Variants in CREB3L1 observed in about 807,000 individuals in gnomAD.
CREB3L1 encodes cyclic AMP-responsive element-binding protein 3-like protein 1.
CREB3L1 carries 33 observed loss-of-function variants against 54.5 expected under a neutral mutation model. The ratio of observed to expected loss-of-function variants is 0.61; its 90% CI spans 0.46 to 0.81. The LOEUF (loss-of-function observed/expected upper bound fraction) is 0.81, where lower values mean the gene tolerates loss of function less well. Ranked by LOEUF, CREB3L1 falls within the 30% of genes least tolerant of loss-of-function variation. The pLI, the probability that CREB3L1 is intolerant of heterozygous loss-of-function variation, is 0.00. For synonymous variants in CREB3L1, 284 were observed against 286.4 expected (o/e 0.99, Z 0.08); for missense variants, 656 against 673.3 (o/e 0.97, Z 0.29).
intron 1 of CREB3L1, 138 bp from the exon 2 acceptor site, chr11:46,299,797 A>G (rs1939267028): frequency 1.5e-6 from 1 of 665,324 alleles, no homozygotes; most frequent in Admixed American, 2.3e-5. Context: ...TGCTGATATT[A>G]ATGGGAATGG....
rs749571630 is a variant in CREB3L1 at position 46,307,914 on chromosome 11, C to T, written c.430C>T (p.Pro144Ser). 8 of 1,572,330 alleles carry T rather than the reference C, an allele frequency of 5.1e-6. No individual in the cohort carries two copies. The South Asian group carries it at 9.4e-5, about 18-fold the overall frequency. The change falls in exon 3 of 12, where the codon CCC becomes TCC. Residue 144 changes from proline to serine, a missense_variant. Physicochemically the swap from Pro to Ser is moderately conservative, Grantham distance 74 (BLOSUM62 -1). Coordinates refer to ENST00000621158, the MANE Select transcript of CREB3L1 (RefSeq NM_052854.4). ...GCTGCCCGTGGACCCTCTGGCTGCC[C>T]CCTCGGCCATGGCTGCCGCGGCCGC... ...PELPVDPLAA[P>S]SAMAAAAAMA... is the part of the protein sequence containing the mutation.
chr11:46,307,819 C>T lies in CREB3L1; in HGVS notation c.335C>T (p.Ala112Val), dbSNP rs745854517. The change falls in exon 3 of 12, where the codon GCA (alanine) becomes GTA (valine). Residue 112 changes from alanine to valine, a missense_variant. By Grantham distance (64) the Ala-to-Val change is moderately conservative (BLOSUM62 0). Coordinates refer to ENST00000621158, the MANE Select transcript of CREB3L1 (RefSeq NM_052854.4). ...TGAGCCTTTCCCCTTCCCCTAGATG[C>T]AGAGCATGGAGCATGGGCGCTGGGA... is the stretch of plus-strand genomic sequence containing the variant. Reference protein sequence around the residue: ...PIKMEDTTQDAEHGAWALGHK... With the variant: ...PIKMEDTTQDVEHGAWALGHK... 3.8e-6 allele frequency: 6 copies of T among 1,563,940 alleles called. No homozygotes were observed. In the South Asian group the frequency reaches 7.1e-5, roughly 19 times the overall value.
Position 46,311,146 on chromosome 11 carries a change from C to T in CREB3L1, c.710C>T (p.Ser237Phe), listed in dbSNP as rs371335074. ...PSSPVRPMARSSTAISTSPLL... is the reference protein window; with the variant it reads ...PSSPVRPMARFSTAISTSPLL... Reference sequence around the variant, plus strand: ...AGCCCTGTCAGGCCCATGGCGCGCTCCTCCACGGCCATCTCCACCTCCCCA... The same window carrying T: ...AGCCCTGTCAGGCCCATGGCGCGCTTCTCCACGGCCATCTCCACCTCCCCA... Residue 237 changes from serine (S) to phenylalanine (F), a missense_variant, in exon 5 of 12, where the codon TCC (serine) becomes TTC (phenylalanine). Ser to Phe is a radical substitution (Grantham distance 155). Around this residue, in one of 3 missense-constraint regions of CREB3L1, gnomAD observed 339 missense variants for 331.5 expected, o/e 1.02. Coordinates refer to ENST00000621158, the MANE Select transcript of CREB3L1 (RefSeq NM_052854.4). 6.2e-7 allele frequency: 1 copy of T among 1,603,142 alleles called. No individual in the cohort carries two copies. Among genetic ancestry groups the T allele is most frequent in the Non-Finnish European group, 8.5e-7 (1 of 1,178,462 alleles).
chr11:46,314,379 C>A (rs1399301735), intron 8 of CREB3L1, among the ~76,000 whole-genome samples: 1 of 152,018 alleles, frequency 6.6e-6, no homozygotes, highest in Non-Finnish European at 1.5e-5. Context: ...ATTCTTCTTT[C>A]ATTATTTTTA....
At position 46,301,571 on chromosome 11, in the gene CREB3L1, G is replaced by A. The variant is rs185255785; in HGVS notation, c.331+1408G>A. Reference sequence around the variant, plus strand: ...CCAGGTACTTGGAAGGCTGAGGCAGGAGAATCACTTGAACCTGGGAGGCGG... The same window carrying A: ...CCAGGTACTTGGAAGGCTGAGGCAGAAGAATCACTTGAACCTGGGAGGCGG... On this transcript the variant is annotated intron_variant, in intron 2 of 11. Coordinates refer to ENST00000621158, the MANE Select transcript of CREB3L1 (RefSeq NM_052854.4). 7.9e-5 allele frequency among the ~76,000 whole-genome samples: 12 copies of A among 152,114 alleles called. No homozygotes were observed. The East Asian group carries it at 1.6e-3, about 20-fold the overall frequency.
chr11:46,320,911 C>T lies in CREB3L1; in HGVS notation c.*165C>T, dbSNP rs1939642302. 1.3e-6 allele frequency: 1 copy of T among 772,158 alleles called. No homozygotes were observed. Among genetic ancestry groups the T allele is most frequent in the South Asian group, 1.5e-5 (1 of 68,320 alleles). 47.8% of individuals were successfully genotyped at this position (772,158 alleles called of 1,614,324 possible). On this transcript the variant is annotated 3_prime_UTR_variant, in exon 12 of 12. Coordinates refer to ENST00000621158, the MANE Select transcript of CREB3L1 (RefSeq NM_052854.4). ...CCTTGCCCCTGACATTTGGACTCTT[C>T]CCTTGGGCCGACCACTCTGTTCTCA...
At chr11:46,281,065 T>G (rs1938963805) in intron 1 of CREB3L1, among the ~76,000 whole-genome samples, 1 of 152,198 alleles carries the variant, frequency 6.6e-6, no homozygotes, top group African/African-American at 2.4e-5. Context: ...GACAAGTGTG[T>G]TTGGAGGTGG....
rs1269075240 is a variant in CREB3L1 at position 46,278,759 on chromosome 11, G to C, written c.102+546G>C. ...CCACCCCAGGGAGGGACCTGAGGCT[G>C]GGGGCTGGGAAGAGGCGGTCAGGGC... On this transcript the variant is annotated intron_variant, in intron 1 of 11. Transcript: ENST00000621158. This position sits in a 1 kb window ranked among gnomAD's most constrained non-coding sequence, Gnocchi z 4.2. Among the ~76,000 whole-genome samples the C allele has an allele frequency of 1.3e-5, 2 of 152,222 alleles. No individual in the cohort carries two copies. The highest frequency in any genetic ancestry group is 1.9e-4 in the East Asian group (1 of 5,190).
chr11:46,306,801 C>T (rs1373241267), intron 2 of CREB3L1, among the ~76,000 whole-genome samples: 1 of 150,992 alleles, frequency 6.6e-6, no homozygotes, highest in East Asian at 1.9e-4. Context: ...GACAGGGTCT[C>T]ACTCTGTCTG....
At chr11:46,313,415 G>A (rs1268110722) in intron 8 of CREB3L1, among the ~76,000 whole-genome samples, 2 of 152,160 alleles carry the variant, frequency 1.3e-5, no homozygotes, top group Non-Finnish European at 1.5e-5. Flanking sequence ...GGCTGGGCAC[G>A]GTGGCTCACG....
intron 1 of CREB3L1, among the ~76,000 whole-genome samples, chr11:46,285,120 G>A (rs1219512208): frequency 6.6e-6 from 1 of 152,200 alleles, no homozygotes; most frequent in East Asian, 1.9e-4. Context: ...TGCACCAGGA[G>A]AGGGGAGCAT....
At chr11:46,282,019 T>C (rs934354326) in intron 1 of CREB3L1, among the ~76,000 whole-genome samples, 17 of 152,128 alleles carry the variant, frequency 1.1e-4, no homozygotes, top group Non-Finnish European at 1.9e-4. Flanking sequence ...GAGGTTTGAT[T>C]TGGGTTTTGC....
At chr11:46,296,061 C>T (rs1022925210) in intron 1 of CREB3L1, among the ~76,000 whole-genome samples, 1 of 152,222 alleles carries the variant, frequency 6.6e-6, no homozygotes, top group African/African-American at 2.4e-5. Context: ...GGACGCTCAC[C>T]CCCTGCAGAA....
rs1277273100 is a variant in CREB3L1 at position 46,319,381 on chromosome 11, C to T, written c.1259-883C>T. On this transcript the variant is annotated intron_variant, in intron 10 of 11. Transcript: ENST00000621158. The stretch of plus-strand genomic sequence containing the variant: ...CAATTTCCCTGAGTGCCTGGAACTT[C>T]AGCTGCCTCCTCTGGGAAGCGGGGC... Among the ~76,000 whole-genome samples the T allele has an allele frequency of 3.3e-5, 5 of 152,234 alleles. No individual in the cohort carries two copies. In the East Asian group the frequency reaches 5.8e-4, roughly 18 times the overall value.
At position 46,320,759 on chromosome 11, in the gene CREB3L1, C is replaced by G; in HGVS notation, c.*13C>G. ...CAAACTCTCCTAGGCCATGCCAAGACCCAGGACATAGGACGGACCCCTGGT... is the reference window on the plus strand; with the variant it reads ...CAAACTCTCCTAGGCCATGCCAAGAGCCAGGACATAGGACGGACCCCTGGT... On this transcript the variant is annotated 3_prime_UTR_variant, in exon 12 of 12. Coordinates refer to ENST00000621158, the MANE Select transcript of CREB3L1 (RefSeq NM_052854.4). 6.2e-7 allele frequency: 1 copy of G among 1,611,558 alleles called. No homozygotes were observed. The highest frequency in any genetic ancestry group is 1.3e-5 in the African/African-American group (1 of 74,958).
chr11:46,284,368 T>C (rs1939024511), intron 1 of CREB3L1, among the ~76,000 whole-genome samples: 1 of 152,128 alleles, frequency 6.6e-6, no homozygotes, highest in Non-Finnish European at 1.5e-5. Context: ...AAGGCTTTTC[T>C]GGCCAGGCAT....
chr11:46,320,428 A>G lies in CREB3L1; in HGVS notation c.1423A>G (p.Thr475Ala). 1 of 1,610,980 alleles carries G rather than the reference A, an allele frequency of 6.2e-7. No individual in the cohort carries two copies. The highest frequency in any genetic ancestry group is 1.7e-5 in the Admixed American group (1 of 59,498). The change falls in exon 11 of 12, where the codon ACC becomes GCC. Residue 475 changes from threonine (T) to alanine (A), a missense_variant. Thr to Ala is a moderately conservative substitution (Grantham distance 58). This residue lies in a region of CREB3L1 where 240 missense variants were observed against 219.8 expected (regional missense o/e 1.09). Transcript: ENST00000621158. Reference protein sequence around the residue: ...DHLQHDHLDSTHETTKYLSEA... With the variant: ...DHLQHDHLDSAHETTKYLSEA... ...CCTGCAGCATGATCACCTGGACAGC[A>G]CCCACGAGACCACCAAGTACCTGAG...
At chr11:46,283,256 A>G (rs1939005911) in intron 1 of CREB3L1, among the ~76,000 whole-genome samples, 1 of 152,226 alleles carries the variant, frequency 6.6e-6, no homozygotes, top group South Asian at 2.1e-4. Flanking sequence ...GTGGAGTAAT[A>G]TTTTTGTAGA....
intron 1 of CREB3L1, among the ~76,000 whole-genome samples, chr11:46,288,486 A>G (rs1939087866): frequency 6.6e-6 from 1 of 152,212 alleles, no homozygotes; most frequent in Admixed American, 6.5e-5. Flanking sequence ...ATGGCATTTG[A>G]CAGCCCTCGC....
Sources: allele counts gnomAD v4.1 joint callset (sites outside exome capture counted in the v4.1 genomes callset), GRCh38; gene constraint gnomAD v4.1.1; regional missense constraint gnomAD v4.1.1; non-coding constraint Gnocchi (gnomAD v3.1); transcripts MANE v1.5; gene names NCBI Gene and HGNC (gene_info 2026-07-23, HGNC 2026-07-21).